Variants in ANKRD12 observed in about 807,000 individuals in gnomAD.
The protein encoded by ANKRD12 is ankyrin repeat domain-containing protein 12.
ANKRD12 carries 85 observed loss-of-function variants against 183.4 expected under a neutral mutation model. That is an observed-to-expected ratio of 0.46 (90% CI 0.39 to 0.56). The LOEUF (loss-of-function observed/expected upper bound fraction) is 0.56. ANKRD12 is among the 20% of genes least tolerant of loss of function. The probability of loss-of-function intolerance (pLI) is 0.00; values close to 1 mark genes in which losing one functional copy is unlikely to be tolerated. For synonymous variants in ANKRD12, 914 were observed against 800.2 expected (o/e 1.14, Z -2.40); for missense variants, 2,405 against 2,357.1 (o/e 1.02, Z -0.42).
chr18:9,207,763 A>G (rs2035568464), intron 4 of ANKRD12, among the ~76,000 whole-genome samples: 1 of 152,062 alleles, frequency 6.6e-6, no homozygotes, highest in African/African-American at 2.4e-5. Flanking sequence ...TACATTCCAG[A>G]TATTTGTATA....
intron 2 of ANKRD12, among the ~76,000 whole-genome samples, chr18:9,185,165 G>T (rs1045665049): frequency 1.9e-4 from 29 of 152,324 alleles, no homozygotes; most frequent in African/African-American, 6.7e-4. Flanking sequence ...ATGGAGGATA[G>T]GAGGTGAGTC....
chr18:9,211,829 A>G (rs2035818934), intron 6 of ANKRD12, 45 bp downstream of exon 6: 8 of 1,445,488 alleles, frequency 5.5e-6, no homozygotes, highest in Non-Finnish European at 7.7e-6. Flanking sequence ...ACTAAAATTT[A>G]AACAGATCCT....
intron 1 of ANKRD12, among the ~76,000 whole-genome samples, chr18:9,140,133 C>T (rs568066131): frequency 3.9e-5 from 6 of 152,316 alleles, no homozygotes; most frequent in Non-Finnish European, 4.4e-5. Context: ...ATAGCCTTGT[C>T]TTCTTAACCT....
chr18:9,262,984 A>C (rs1169735428), intron 9 of ANKRD12, among the ~76,000 whole-genome samples: 2 of 151,424 alleles, frequency 1.3e-5, no homozygotes, highest in African/African-American at 4.9e-5. Flanking sequence ...TTTTTAGTAG[A>C]GACAGGACTT....
intron 8 of ANKRD12, among the ~76,000 whole-genome samples, chr18:9,245,788 A>C (rs191221183): frequency 2.0e-5 from 3 of 152,222 alleles, no homozygotes; most frequent in African/African-American, 7.2e-5. Context: ...TGTTTTGTCA[A>C]TATACTCAAT....
intron 10 of ANKRD12, among the ~76,000 whole-genome samples, chr18:9,272,481 G>A (rs928785401): frequency 9.2e-5 from 14 of 152,072 alleles, no homozygotes; most frequent in Non-Finnish European, 1.9e-4. Context: ...AGAATCACTT[G>A]AACCCGGGAG....
chr18:9,256,367 A>C lies in ANKRD12; in HGVS notation c.3100A>C (p.Lys1034Gln). 6.3e-7 allele frequency: 1 copy of C among 1,599,950 alleles called. No homozygotes were observed. Among genetic ancestry groups the C allele is most frequent in the Non-Finnish European group, 8.5e-7 (1 of 1,174,158 alleles). ...IDRYKERDKH[K>Q]DKIQINSLLK... ...TAGATACAAAGAACGAGACAAACAT[A>C]AAGATAAAATTCAAATAAATAGCTT... is the stretch of plus-strand genomic sequence containing the variant. Residue 1034 changes from lysine (K) to glutamine (Q), a missense_variant, in exon 9 of 13, where the codon AAA becomes CAA. Around this residue, in one of 7 missense-constraint regions of ANKRD12, gnomAD observed 1,983 missense variants for 1,725.9 expected, o/e 1.15. Coordinates refer to ENST00000262126, the MANE Select transcript of ANKRD12 (RefSeq NM_015208.5).
At chr18:9,181,157 T>C (rs1193136593) in intron 1 of ANKRD12, among the ~76,000 whole-genome samples, 1 of 152,202 alleles carries the variant, frequency 6.6e-6, no homozygotes, top group East Asian at 1.9e-4. Flanking sequence ...TCCTCCTCTA[T>C]AAAATGAAAG....
chr18:9,150,282 C>T (rs948681960), intron 1 of ANKRD12, among the ~76,000 whole-genome samples: 10 of 152,106 alleles, frequency 6.6e-5, no homozygotes, highest in South Asian at 2.1e-4. Context: ...CCTTTTATCT[C>T]GTTTCGTCTA....
intron 1 of ANKRD12, among the ~76,000 whole-genome samples, chr18:9,163,318 G>A (rs559051602): frequency 6.6e-6 from 1 of 152,196 alleles, no homozygotes; most frequent in South Asian, 2.1e-4. Context: ...TTCATTGCTT[G>A]TTTTCGTCAG....
At chr18:9,250,536 TAGTG>T (rs1319173836) in intron 8 of ANKRD12, among the ~76,000 whole-genome samples, 1 of 151,924 alleles carries the variant, frequency 6.6e-6, no homozygotes, top group Non-Finnish European at 1.5e-5. Flanking sequence ...CTGGGCAACA[TAGTG>T]AGTCCTCATC....
At chr18:9,238,224 CT>C (rs2037458891) in intron 8 of ANKRD12, among the ~76,000 whole-genome samples, 2 of 152,298 alleles carry the variant, frequency 1.3e-5, no homozygotes, top group South Asian at 4.1e-4. Flanking sequence ...TCCTCATTTC[CT>C]TTCCATAAAC....
intron 1 of ANKRD12, among the ~76,000 whole-genome samples, chr18:9,157,579 G>GTATATATATATATATA (rs1337373504): frequency 7.9e-5 from 9 of 114,222 alleles, no homozygotes; most frequent in African/African-American, 1.3e-4. Flanking sequence ...GTGTGTGTGT[G>GTATATATATATATATA]TGTGTGTATA....
chr18:9,228,379 T>G (rs890063464), intron 8 of ANKRD12, among the ~76,000 whole-genome samples: 6 of 152,180 alleles, frequency 3.9e-5, no homozygotes, highest in Non-Finnish European at 7.4e-5. Flanking sequence ...TATTTTTAAT[T>G]TTCTGAGAAA....
intron 8 of ANKRD12, among the ~76,000 whole-genome samples, chr18:9,232,391 T>C (rs903130627): frequency 6.6e-6 from 1 of 152,208 alleles, no homozygotes; most frequent in Non-Finnish European, 1.5e-5. Flanking sequence ...TTTTGTTGGA[T>C]GTAGTATCTT....
At chr18:9,243,458 A>T (rs929233969) in intron 8 of ANKRD12, among the ~76,000 whole-genome samples, 6 of 152,234 alleles carry the variant, frequency 3.9e-5, no homozygotes, top group African/African-American at 1.2e-4. Flanking sequence ...TGAATGACAG[A>T]TAAGAAGGGA....
chr18:9,190,006 AT>A, intron 2 of ANKRD12, among the ~76,000 whole-genome samples: 1 of 152,350 alleles, frequency 6.6e-6, no homozygotes, highest in South Asian at 2.1e-4. Context: ...GATTCCTCTG[AT>A]GGATTTGGGC....
intron 5 of ANKRD12, among the ~76,000 whole-genome samples, chr18:9,210,725 C>A (rs866918539): frequency 4.3e-4 from 36 of 84,554 alleles, no homozygotes; most frequent in South Asian, 1.2e-3. Context: ...GACTCTGTCT[C>A]AAAAAAAAAA....
intron 3 of ANKRD12, chr18:9,200,365 C>T (rs2035091012): frequency 6.6e-6 from 1 of 152,078 alleles, no homozygotes; most frequent in South Asian, 2.1e-4. Flanking sequence ...TAAATTTTGT[C>T]CTGTGGAATA....
Sources: allele counts gnomAD v4.1 joint callset (sites outside exome capture counted in the v4.1 genomes callset), GRCh38; gene constraint gnomAD v4.1.1; regional missense constraint gnomAD v4.1.1; transcripts MANE v1.5; gene names NCBI Gene and HGNC (gene_info 2026-07-23, HGNC 2026-07-21).